CTNNA3: variants seen among roughly 807,000 people sequenced by gnomAD.
CTNNA3 encodes catenin alpha-3.
CTNNA3 carries 76 observed loss-of-function variants against 95.7 expected under a neutral mutation model. That is an observed-to-expected ratio of 0.79 (90% CI 0.66 to 0.96). The LOEUF (loss-of-function observed/expected upper bound fraction) is 0.96, where lower values mean the gene tolerates loss of function less well. Ranked by LOEUF, CTNNA3 falls within the 40% of genes least tolerant of loss-of-function variation. The pLI, the probability that CTNNA3 is intolerant of heterozygous loss-of-function variation, is 0.00. For synonymous variants in CTNNA3, 431 were observed against 374.4 expected (o/e 1.15, Z -1.74); for missense variants, 1,191 against 1,089.8 (o/e 1.09, Z -1.31).
chr10:66,402,348 G>C (rs934994444), intron 11 of CTNNA3, among the ~76,000 whole-genome samples: 5 of 151,990 alleles, frequency 3.3e-5, no homozygotes, highest in African/African-American at 1.2e-4. Context: ...TGATTTCCTT[G>C]AGGAAAAACA....
intron 11 of CTNNA3, among the ~76,000 whole-genome samples, chr10:66,400,072 T>G (rs989229481): frequency 6.6e-6 from 1 of 152,058 alleles, no homozygotes; most frequent in Non-Finnish European, 1.5e-5. Context: ...TACATACATA[T>G]GCTTTTTATA....
chr10:67,118,995 C>G (rs143366286), intron 7 of CTNNA3, among the ~76,000 whole-genome samples: 2 of 151,946 alleles, frequency 1.3e-5, no homozygotes, highest in South Asian at 4.1e-4. Flanking sequence ...AACTTAGATA[C>G]TTCCCCAAAT....
Position 65,919,551 on chromosome 10 carries a change from C to T in CTNNA3, c.*779G>A, listed in dbSNP as rs971016992. The T allele has an allele frequency of 2.6e-5, 4 of 152,276 alleles. No individual in the cohort carries two copies. Among genetic ancestry groups the T allele is most frequent in the African/African-American group, 9.6e-5 (4 of 41,560 alleles). The allele number at this position is 152,276 out of a possible 1,614,324, so 9.4% of individuals were successfully genotyped here. ...GTCTCATTTTCCCAATGGGTGATAA[C>T]TCTTCTTTCACATATGTATTCGGAT... is the stretch of plus-strand genomic sequence containing the variant. On this transcript the variant is annotated 3_prime_UTR_variant, in exon 18 of 18. Coordinates refer to ENST00000433211, the MANE Select transcript of CTNNA3 (RefSeq NM_013266.4).
At chr10:66,179,280 T>C (rs146753241) in intron 13 of CTNNA3, among the ~76,000 whole-genome samples, 8 of 151,966 alleles carry the variant, frequency 5.3e-5, no homozygotes, top group East Asian at 1.9e-4. Flanking sequence ...CAGACTTACG[T>C]TGAGTGAAAA....
At chr10:65,960,707 T>G (rs1423604790) in intron 17 of CTNNA3, among the ~76,000 whole-genome samples, 1 of 152,210 alleles carries the variant, frequency 6.6e-6, no homozygotes, top group African/African-American at 2.4e-5. Flanking sequence ...GTATCTACTG[T>G]TCCCATCTTT....
At chr10:66,164,760 T>C (rs937192673) in intron 13 of CTNNA3, among the ~76,000 whole-genome samples, 1 of 152,170 alleles carries the variant, frequency 6.6e-6, no homozygotes, top group Non-Finnish European at 1.5e-5. Flanking sequence ...CATGAGAGAT[T>C]CTTACCTAAT....
intron 5 of CTNNA3, among the ~76,000 whole-genome samples, chr10:67,429,594 CATTTGT>C (rs1317675210): frequency 2.6e-5 from 4 of 151,868 alleles, no homozygotes; most frequent in Non-Finnish European, 5.9e-5. Flanking sequence ...TATTTATTTC[CATTTGT>C]ATTTGCTAGA....
At chr10:67,740,140 C>A (rs546975660) in intron 1 of CTNNA3, among the ~76,000 whole-genome samples, 1 of 152,218 alleles carries the variant, frequency 6.6e-6, no homozygotes, top group African/African-American at 2.4e-5. Flanking sequence ...TTCCTTACAC[C>A]TTATACAAAA....
At chr10:66,455,618 C>G (rs1430873097) in intron 11 of CTNNA3, among the ~76,000 whole-genome samples, 1 of 152,130 alleles carries the variant, frequency 6.6e-6, no homozygotes, top group Non-Finnish European at 1.5e-5. Context: ...TCTGAGTAAC[C>G]CACTCCTTAA....
At chr10:66,682,919 C>A (rs554259623) in intron 9 of CTNNA3, among the ~76,000 whole-genome samples, 3 of 152,196 alleles carry the variant, frequency 2.0e-5, no homozygotes, top group Admixed American at 6.5e-5. Flanking sequence ...AAATGGAGGT[C>A]ATGAAAATAC....
chr10:66,438,318 G>A (rs1051691703), intron 11 of CTNNA3, among the ~76,000 whole-genome samples: 4 of 152,220 alleles, frequency 2.6e-5, no homozygotes. Flanking sequence ...TCCCCCAGGT[G>A]CTCTGTCCCA....
intron 13 of CTNNA3, among the ~76,000 whole-genome samples, chr10:66,215,284 T>C (rs1392124147): frequency 2.0e-5 from 3 of 152,204 alleles, no homozygotes; most frequent in African/African-American, 7.2e-5. Context: ...GCTGGGATAT[T>C]GAGTTACTAT....
At chr10:67,420,873 C>A (rs1176871833) in intron 5 of CTNNA3, among the ~76,000 whole-genome samples, 1 of 152,072 alleles carries the variant, frequency 6.6e-6, no homozygotes. Flanking sequence ...GTTAATGAGT[C>A]TCAGTTGAAG....
intron 3 of CTNNA3, among the ~76,000 whole-genome samples, chr10:67,564,557 C>T (rs1010651089): frequency 1.4e-5 from 2 of 143,632 alleles, no homozygotes; most frequent in South Asian, 2.5e-4. Context: ...ATGAGTTAAT[C>T]GGTGCAGCAC....
At chr10:66,764,644 T>C (rs1367962054) in intron 9 of CTNNA3, among the ~76,000 whole-genome samples, 2 of 152,172 alleles carry the variant, frequency 1.3e-5, no homozygotes, top group South Asian at 2.1e-4. Context: ...ATTTGGTGTG[T>C]CTTCAGCTTA....
chr10:66,604,841 A>G (rs1191098555), intron 10 of CTNNA3, among the ~76,000 whole-genome samples: 1 of 151,732 alleles, frequency 6.6e-6, no homozygotes, highest in Non-Finnish European at 1.5e-5. Context: ...AAGAAACATT[A>G]GTCCACAAAG....
chr10:67,588,524 A>C (rs759879925), intron 3 of CTNNA3, among the ~76,000 whole-genome samples: 4 of 147,698 alleles, frequency 2.7e-5, no homozygotes, highest in Non-Finnish European at 5.9e-5. Flanking sequence ...GACTGTATTG[A>C]ATTTATGGGG....
chr10:66,970,502 TGGG>T (rs11367465), intron 7 of CTNNA3, among the ~76,000 whole-genome samples: 1 of 138,522 alleles, frequency 7.2e-6, no homozygotes, highest in Non-Finnish European at 1.6e-5. Flanking sequence ...TATTCTTGGG[TGGG>T]GGGGGGATAC....
chr10:66,777,873 T>G (rs1030922707), intron 7 of CTNNA3, among the ~76,000 whole-genome samples: 27 of 151,978 alleles, frequency 1.8e-4, no homozygotes, highest in South Asian at 4.1e-4. Context: ...AAAAACCCGC[T>G]AGCTTCTGTG....
Sources: gnomAD v4.1 joint callset for allele counts (sites outside exome capture counted in the v4.1 genomes callset) on GRCh38, gnomAD v4.1.1 for gene constraint, MANE v1.5 for transcripts, NCBI Gene and HGNC (gene_info 2026-07-23, HGNC 2026-07-21) for gene names.